The following RABGAP1L variants were observed in gnomAD, a reference collection of about 807,000 sequenced individuals.
RABGAP1L encodes RAB GTPase activating protein 1 like, also known as rab GTPase-activating protein 1-like.
RABGAP1L carries 63 observed loss-of-function variants against 137.7 expected under a neutral mutation model. That is an observed-to-expected ratio of 0.46 (90% CI 0.37 to 0.56). The LOEUF is 0.56. Ranked by LOEUF, RABGAP1L falls within the 20% of genes least tolerant of loss-of-function variation. The pLI is 0.00. For missense variants in RABGAP1L, 1,095 were observed against 1,244.0 expected (o/e 0.88, Z 1.80); for synonymous variants, 431 against 433.7 (o/e 0.99, Z 0.08).
At chr1:174,817,309 G>T (rs1187021159) in intron 19 of RABGAP1L, among the ~76,000 whole-genome samples, 2 of 152,200 alleles carry the variant, frequency 1.3e-5, no homozygotes, top group East Asian at 1.9e-4. Flanking sequence ...TTGAGTGCCT[G>T]TTGTGTCCCA....
chr1:174,963,210 T>C (rs997200071), intron 20 of RABGAP1L, among the ~76,000 whole-genome samples: 2 of 152,214 alleles, frequency 1.3e-5, no homozygotes, highest in Non-Finnish European at 2.9e-5. Context: ...TGAAATAATG[T>C]GCTTTTAAGG....
intron 13 of RABGAP1L, among the ~76,000 whole-genome samples, chr1:174,507,617 GA>G (rs1214716165): frequency 1.3e-5 from 2 of 151,210 alleles, no homozygotes; most frequent in Non-Finnish European, 3.0e-5. Flanking sequence ...AAGCAAAAAA[GA>G]AAAAAAATCA....
At chr1:174,217,931 T>G (rs1669462125) in intron 1 of RABGAP1L, among the ~76,000 whole-genome samples, 5 of 152,146 alleles carry the variant, frequency 3.3e-5, no homozygotes, top group Non-Finnish European at 7.4e-5. Context: ...CAGCTATACT[T>G]ATAGGCTATA....
chr1:174,896,467 G>T (rs1351054145), intron 19 of RABGAP1L, among the ~76,000 whole-genome samples: 2 of 152,076 alleles, frequency 1.3e-5, no homozygotes, highest in African/African-American at 4.8e-5. Context: ...GTCAATTTTG[G>T]CTTTTGTTGC....
intron 13 of RABGAP1L, among the ~76,000 whole-genome samples, chr1:174,619,514 C>T (rs539559521): frequency 6.6e-6 from 1 of 152,218 alleles, no homozygotes; most frequent in African/African-American, 2.4e-5. Flanking sequence ...AATTTTCAGC[C>T]CAGAATTTCA....
chr1:174,575,381 A>G (rs1005247223), intron 13 of RABGAP1L, among the ~76,000 whole-genome samples: 2 of 152,134 alleles, frequency 1.3e-5, no homozygotes, highest in African/African-American at 4.8e-5. Context: ...ATCCATGGAG[A>G]CTACTGGGGG....
intron 13 of RABGAP1L, among the ~76,000 whole-genome samples, chr1:174,488,990 T>C (rs1659951376): frequency 6.9e-6 from 1 of 144,096 alleles, no homozygotes; most frequent in South Asian, 2.2e-4. Context: ...ATTGTTCACT[T>C]CCCACCTATG....
intron 15 of RABGAP1L, 29 bp from the exon 16 acceptor site, chr1:174,699,496 A>G (rs369113634): frequency 1.9e-6 from 3 of 1,585,044 alleles, no homozygotes; most frequent in African/African-American, 2.7e-5. Context: ...CCACTTATTT[A>G]TATTGTATAT....
At chr1:174,552,550 C>T (rs1254355348) in intron 13 of RABGAP1L, among the ~76,000 whole-genome samples, 2 of 151,792 alleles carry the variant, frequency 1.3e-5, no homozygotes, top group African/African-American at 4.8e-5. Flanking sequence ...ATATGTACAC[C>T]ATGGAAAGAA....
intron 13 of RABGAP1L, among the ~76,000 whole-genome samples, chr1:174,527,583 G>A (rs888122168): frequency 1.3e-5 from 2 of 152,180 alleles, no homozygotes; most frequent in African/African-American, 2.4e-5. Flanking sequence ...AATGTTCCAT[G>A]TGCTGATGAA....
At chr1:174,622,695 G>T (rs1672616981) in intron 13 of RABGAP1L, among the ~76,000 whole-genome samples, 1 of 152,044 alleles carries the variant, frequency 6.6e-6, no homozygotes, top group Non-Finnish European at 1.5e-5. Flanking sequence ...CACACTCCGG[G>T]GTCTGTTGTG....
intron 13 of RABGAP1L, among the ~76,000 whole-genome samples, chr1:174,407,829 G>A (rs1008707081): frequency 3.3e-5 from 5 of 152,000 alleles, no homozygotes; most frequent in Non-Finnish European, 7.4e-5. Context: ...AAGTTTTATG[G>A]TATTGCACTA....
At chr1:174,300,061 A>C (rs1252981985) in intron 10 of RABGAP1L, among the ~76,000 whole-genome samples, 1 of 152,270 alleles carries the variant, frequency 6.6e-6, no homozygotes, top group African/African-American at 2.4e-5. Flanking sequence ...CTTAGACATT[A>C]GAATTTTAGA....
chr1:174,204,378 A>G (rs972427361), intron 1 of RABGAP1L, among the ~76,000 whole-genome samples: 37 of 151,938 alleles, frequency 2.4e-4, no homozygotes, highest in African/African-American at 8.0e-4. Flanking sequence ...TTTGACTTCT[A>G]CTCTTTCTGT....
chr1:174,281,026 A>T (rs1675480936), intron 10 of RABGAP1L, among the ~76,000 whole-genome samples: 1 of 150,936 alleles, frequency 6.6e-6, no homozygotes, highest in South Asian at 2.1e-4. Context: ...GAGTTGTTTG[A>T]TCCTCCCGGT....
At position 174,699,576 on chromosome 1, in the gene RABGAP1L, G is replaced by A. The variant is rs757548416; in HGVS notation, c.1951G>A (p.Gly651Ser). Residue 651 changes from glycine (G) to serine (S), a missense_variant, in exon 16 of 26, where the codon GGT (glycine) becomes AGT (serine). This residue lies in a region of RABGAP1L where 315 missense variants were observed against 324.8 expected (regional missense o/e 0.97). Transcript: ENST00000681986. Reference protein sequence around the residue: ...CVLVKIMYDYGLRDLYRNNFE... With the variant: ...CVLVKIMYDYSLRDLYRNNFE... ...TTTGGTGAAAATCATGTACGACTAT[G>A]GTTTGAGAGACCTCTACAGAAACAA... is the stretch of plus-strand genomic sequence containing the variant. The A allele has an allele frequency of 1.9e-6, 3 of 1,611,270 alleles. No individual in the cohort carries two copies. In the African/African-American group the frequency reaches 4.0e-5, roughly 22 times the overall value.
At position 174,429,731 on chromosome 1, in the gene RABGAP1L, C is replaced by T. The variant is rs530399360; in HGVS notation, c.1710+35586C>T. On this transcript the variant is annotated intron_variant, in intron 13 of 25. Transcript: ENST00000681986. ...TCCAGCCGGGGTGACAAGAGCAAGACTCCATCTCAAAAAAAAAAAATAAAA... is the reference window on the plus strand; with the variant it reads ...TCCAGCCGGGGTGACAAGAGCAAGATTCCATCTCAAAAAAAAAAAATAAAA... Among the ~76,000 whole-genome samples, 3 of 144,672 alleles carry T rather than the reference C, an allele frequency of 2.1e-5. No homozygotes were observed. The South Asian group carries it at 6.4e-4, about 31-fold the overall frequency. 94.9% of individuals were successfully genotyped at this position (144,672 alleles called of 152,430 possible).
At chr1:174,404,507 A>G (rs1395887031) in intron 13 of RABGAP1L, among the ~76,000 whole-genome samples, 3 of 152,188 alleles carry the variant, frequency 2.0e-5, no homozygotes, top group African/African-American at 7.2e-5. Context: ...GAACAAATAC[A>G]TATCATGGTA....
intron 13 of RABGAP1L, among the ~76,000 whole-genome samples, chr1:174,507,334 G>C (rs1661917190): frequency 6.6e-6 from 1 of 152,058 alleles, no homozygotes; most frequent in Non-Finnish European, 1.5e-5. Context: ...AGGCTTGTTG[G>C]TGTAGGGTTG....
Sources: allele counts gnomAD v4.1 joint callset (sites outside exome capture counted in the v4.1 genomes callset), GRCh38; gene constraint gnomAD v4.1.1; regional missense constraint gnomAD v4.1.1; transcripts MANE v1.5; gene names NCBI Gene and HGNC (gene_info 2026-07-23, HGNC 2026-07-21).